CRAMP1: variants seen among roughly 807,000 people sequenced by gnomAD.
CRAMP1 encodes cramped chromatin regulator 1.
Under a neutral mutation model 115.4 loss-of-function variants are expected in CRAMP1, and 50 were observed. That is an observed-to-expected ratio of 0.43 (90% confidence interval 0.35 to 0.55). The LOEUF (loss-of-function observed/expected upper bound fraction) is 0.55. Ranked by LOEUF, CRAMP1 falls within the 20% of genes least tolerant of loss-of-function variation. The probability of loss-of-function intolerance (pLI) is 0.01; values close to 1 mark genes in which losing one functional copy is unlikely to be tolerated. For synonymous variants in CRAMP1, 866 were observed against 745.4 expected, an observed-to-expected ratio of 1.16 and a Z score of -2.64; for missense variants, 1,679 against 1,721.7, an observed-to-expected ratio of 0.98 and a Z score of 0.44.
chr16:1,621,383 G>T (rs991032268), intron 2 of CRAMP1, among the ~76,000 whole-genome samples: 1 of 152,258 alleles, frequency 6.6e-6, no homozygotes, highest in African/African-American at 2.4e-5. Context: ...CTAGGGGTTT[G>T]GGAGACCTGA....
chr16:1,625,854 G>C (rs1040441880), intron 2 of CRAMP1, 119 bp from the exon 3 acceptor site: 11 of 985,308 alleles, frequency 1.1e-5, no homozygotes, highest in Non-Finnish European at 1.6e-5. Flanking sequence ...CAGCATCCTC[G>C]GTTGAGGAGT....
intron 4 of CRAMP1, among the ~76,000 whole-genome samples, chr16:1,636,417 C>T (rs572627633): frequency 5.9e-5 from 9 of 152,126 alleles, no homozygotes; most frequent in Admixed American, 5.9e-4. Flanking sequence ...CTGATGAGCC[C>T]TTAGGTCTTA....
In CRAMP1 at chr16:1,666,815, A is replaced by G. The variant is rs1857457649; in HGVS notation, c.3036+215A>G. ...GGTGGGGACAGGCTTGCCATGTGGC[A>G]CTGGAGAACTCAGAGCTAAGACGGT... On this transcript the variant is annotated intron_variant, in intron 16 of 20. Transcript: ENST00000397412. This position sits in a 1 kb window ranked among gnomAD's most constrained non-coding sequence, Gnocchi z 5.0. Among the ~76,000 whole-genome samples the G allele has an allele frequency of 1.3e-5, 2 of 152,252 alleles. No individual in the cohort carries two copies. The highest frequency in any genetic ancestry group is 4.8e-5 in the African/African-American group (2 of 41,474).
chr16:1,621,117 G>A (rs951747851), intron 2 of CRAMP1, among the ~76,000 whole-genome samples: 1 of 152,190 alleles, frequency 6.6e-6, no homozygotes, highest in Non-Finnish European at 1.5e-5. Context: ...CTTTGTGGGT[G>A]ACCTACTCAG....
chr16:1,654,065 C>T (rs112745905), intron 8 of CRAMP1, among the ~76,000 whole-genome samples: 3,325 of 148,888 alleles, frequency 0.022, 221 homozygotes, highest in Admixed American at 0.13. Context: ...ATCACTTGAA[C>T]GCAGGAGGCA....
chr16:1,669,715 G>A lies in CRAMP1; in HGVS notation c.3499+550G>A, dbSNP rs964134813. Among the ~76,000 whole-genome samples the A allele has an allele frequency of 2.1e-4, 32 of 152,334 alleles. No individual in the cohort carries two copies. The highest frequency in any genetic ancestry group is 7.0e-4 in the African/African-American group (29 of 41,576). On this transcript the variant is annotated intron_variant, in intron 19 of 20. Transcript: ENST00000397412. This position sits in a 1 kb window ranked among gnomAD's most constrained non-coding sequence, Gnocchi z 4.6. The stretch of plus-strand genomic sequence containing the variant: ...TGTGGCAGGAAGGGGGTGTATCAGG[G>A]AAAGGCACACCCTGCTGCTGTTGCC...
In CRAMP1 at chr16:1,641,822, G is replaced by A. The variant is rs959443537; in HGVS notation, c.827+635G>A. Among the ~76,000 whole-genome samples, 12 of 151,182 alleles carry A rather than the reference G, an allele frequency of 7.9e-5. No individual in the cohort carries two copies. The East Asian group carries it at 1.8e-3, about 22-fold the overall frequency. On this transcript the variant is annotated intron_variant, in intron 6 of 20. Coordinates refer to ENST00000397412, the MANE Select transcript of CRAMP1 (RefSeq NM_020825.4). ...TTTACAGCTTGGGGAAGGTCCCCAC[G>A]CCACAGCCTGGGGGGGTTCCCCACT...
At chr16:1,625,534 T>C (rs189247794) in intron 2 of CRAMP1, 305 of 155,858 alleles carry the variant, frequency 2.0e-3, no homozygotes, top group Non-Finnish European at 3.0e-3. Flanking sequence ...TTTACACGTT[T>C]GTTTCCTTGA....
intron 2 of CRAMP1, 84 bp downstream of exon 2, chr16:1,615,069 C>T (rs2036406350): frequency 1.2e-6 from 1 of 854,864 alleles, no homozygotes; most frequent in Non-Finnish European, 1.5e-6. Flanking sequence ...CCCAGCCGGG[C>T]TCCACCCTAG....
chr16:1,673,699 A>G (rs576023410), intron 20 of CRAMP1, among the ~76,000 whole-genome samples, 182 bp from the exon 21 acceptor site: 2 of 152,316 alleles, frequency 1.3e-5, no homozygotes, highest in South Asian at 4.1e-4. Context: ...GCACTTATCT[A>G]AAGAGTGTGC....
intron 1 of CRAMP1, among the ~76,000 whole-genome samples, chr16:1,612,980 C>T (rs2036372449): frequency 6.6e-6 from 1 of 152,072 alleles, no homozygotes; most frequent in African/African-American, 2.4e-5. Flanking sequence ...AGCGCTTCCC[C>T]GTGCTCGGTC....
At chr16:1,662,315 G>C (rs1029093779) in intron 11 of CRAMP1, 175 bp from the exon 12 acceptor site, 17 of 600,254 alleles carry the variant, frequency 2.8e-5, no homozygotes, top group Non-Finnish European at 4.7e-5. Context: ...ATTTCAGTGA[G>C]AAGGATAGAA....
chr16:1,665,910 T>C, intron 14 of CRAMP1, 163 bp from the exon 15 acceptor site: 3 of 606,790 alleles, frequency 4.9e-6, no homozygotes, highest in South Asian at 1.9e-5. Context: ...CTGTGTGACC[T>C]CTGACTCCTC....
At chr16:1,660,129 C>T (rs2036815832) in intron 11 of CRAMP1, 66 bp downstream of exon 11, 1 of 1,365,748 alleles carries the variant, frequency 7.3e-7, no homozygotes, top group Middle Eastern at 2.6e-4. Flanking sequence ...GCTTCAGGGG[C>T]CGTGCCGAAG....
In CRAMP1 at chr16:1,656,280, C is replaced by A. The variant is rs754637328; in HGVS notation, c.1523C>A (p.Ala508Asp). ...GAALSLSSPD[A>D]PDRPPPRHQD... Reference sequence around the variant, plus strand: ...GCCCTAAGCTTGAGCAGCCCGGACGCTCCTGACAGGCCTCCTCCCAGGCAC... The same window carrying A: ...GCCCTAAGCTTGAGCAGCCCGGACGATCCTGACAGGCCTCCTCCCAGGCAC... Residue 508 changes from alanine (A) to aspartate (D), a missense_variant, in exon 10 of 21, where the codon GCT (alanine) becomes GAT (aspartate). Around this residue, in one of 8 missense-constraint regions of CRAMP1, gnomAD observed 405 missense variants for 302.6 expected, o/e 1.34. Transcript: ENST00000397412. The surrounding 1 kb of genome is among the most constrained non-coding windows in gnomAD (Gnocchi z 5.6). 2.5e-6 allele frequency: 4 copies of A among 1,611,770 alleles called. No homozygotes were observed. The highest frequency in any genetic ancestry group is 3.4e-6 in the Non-Finnish European group (4 of 1,179,740).
In CRAMP1 at chr16:1,614,990, G is replaced by A. The variant is rs2036405478; in HGVS notation, c.346+5G>A. 8.0e-7 allele frequency: 1 copy of A among 1,249,482 alleles called. No individual in the cohort carries two copies. The highest frequency in any genetic ancestry group is 1.0e-6 in the Non-Finnish European group (1 of 995,810). The allele number at this position is 1,249,482 out of a possible 1,614,324, so 77.4% of individuals were successfully genotyped here. A position where few individuals can be genotyped will look rare whatever the true frequency, so the allele number is the denominator to read the frequency against. ...GCTCGGGGCCCCGCGGAAAAGGTAG[G>A]GCGGCCCGTCCCCTTGGGAGACCCC... On this transcript the variant is annotated splice_donor_5th_base_variant and intron_variant, in intron 2 of 20. Coordinates refer to ENST00000397412, the MANE Select transcript of CRAMP1 (RefSeq NM_020825.4). This position sits in a 1 kb window ranked among gnomAD's most constrained non-coding sequence, Gnocchi z 4.4.
At chr16:1,665,983 G>A in intron 14 of CRAMP1, 90 bp from the exon 15 acceptor site, 1 of 803,224 alleles carries the variant, frequency 1.2e-6, no homozygotes, top group Admixed American at 2.0e-5. Context: ...TCCCAACAGT[G>A]GCTGTAAAGG....
chr16:1,672,822 G>A lies in CRAMP1; in HGVS notation c.3646-1059G>A, dbSNP rs1325315704. ...TCATGGGACAAGATCCCGGTGCCGA[G>A]GCCCTCCCGTCCTCCGTCTCCTCAG... On this transcript the variant is annotated intron_variant, in intron 20 of 20. Coordinates refer to ENST00000397412, the MANE Select transcript of CRAMP1 (RefSeq NM_020825.4). This position sits in a 1 kb window ranked among gnomAD's most constrained non-coding sequence, Gnocchi z 4.9. Among the ~76,000 whole-genome samples the A allele has an allele frequency of 1.3e-5, 2 of 152,204 alleles. No homozygotes were observed. The highest frequency in any genetic ancestry group is 2.9e-5 in the Non-Finnish European group (2 of 68,042).
chr16:1,626,136 C>T lies in CRAMP1; in HGVS notation c.510C>T (p.Asp170=), dbSNP rs1309377195. The T allele has an allele frequency of 1.3e-6, 2 of 1,537,190 alleles. No individual in the cohort carries two copies. The highest frequency in any genetic ancestry group is 5.0e-5 in the East Asian group (2 of 40,372). ...AGTGGGAGTCGTGGAGCACAGAGGA[C>T]AAGAACACCTTCTTCGAGGGGCTGT... ...RRQWESWSTE[D]KNTFFEGLYE... Residue 170 remains aspartate, a synonymous_variant, in exon 3 of 21, where the codon GAC becomes GAT. Coordinates refer to ENST00000397412, the MANE Select transcript of CRAMP1 (RefSeq NM_020825.4).
Sources: gnomAD v4.1 joint callset for allele counts (sites outside exome capture counted in the v4.1 genomes callset) on GRCh38, gnomAD v4.1.1 for gene constraint, gnomAD v4.1.1 regional missense constraint, Gnocchi (gnomAD v3.1) non-coding constraint, MANE v1.5 for transcripts, NCBI Gene and HGNC (gene_info 2026-07-23, HGNC 2026-07-21) for gene names.